The following NAA16 variants were observed in gnomAD, a reference collection of about 807,000 sequenced individuals.
NAA16 encodes the protein N-alpha-acetyltransferase 16, NatA auxiliary subunit, also known as NARG1-like protein.
Under a neutral mutation model 110.3 loss-of-function variants are expected in NAA16, and 97 were observed. The observed-to-expected ratio is 0.88, with a 90% CI of 0.75 to 1.04. The LOEUF is 1.04. NAA16 is among the 50% of genes least tolerant of loss of function. The pLI is 0.00. For missense variants in NAA16, 1,017 were observed against 1,005.1 expected (o/e 1.01, Z -0.16); for synonymous variants, 372 against 330.6 (o/e 1.13, Z -1.36).
chr13:41,316,126 T>C (rs1357302584), intron 1 of NAA16, among the ~76,000 whole-genome samples: 1 of 151,954 alleles, frequency 6.6e-6, no homozygotes, highest in Admixed American at 6.6e-5. Context: ...TGAATTGTCA[T>C]TTTTTTCTGT....
chr13:41,315,892 C>G (rs1230843893), intron 1 of NAA16, among the ~76,000 whole-genome samples: 1 of 152,060 alleles, frequency 6.6e-6, no homozygotes, highest in Non-Finnish European at 1.5e-5. Context: ...ACCTCAGCCT[C>G]CCAAGCAGTT....
intron 19 of NAA16, among the ~76,000 whole-genome samples, 198 bp downstream of exon 19, chr13:41,375,037 A>G (rs1272384619): frequency 6.6e-6 from 1 of 152,238 alleles, no homozygotes; most frequent in African/African-American, 2.4e-5. Context: ...GGGTGAAAAT[A>G]CTAGTGCTGT....
chr13:41,333,102 C>T (rs2042283584), intron 8 of NAA16, among the ~76,000 whole-genome samples: 1 of 152,048 alleles, frequency 6.6e-6, no homozygotes, highest in Non-Finnish European at 1.5e-5. Context: ...TATCAGGTTT[C>T]TATAGGACTT....
chr13:41,321,582 T>C (rs1317182174), intron 4 of NAA16, among the ~76,000 whole-genome samples: 1 of 152,256 alleles, frequency 6.6e-6, no homozygotes, highest in Non-Finnish European at 1.5e-5. Flanking sequence ...AATGGAAACC[T>C]AAACATAAAA....
intron 9 of NAA16, among the ~76,000 whole-genome samples, chr13:41,353,642 C>G (rs982400297): frequency 3.3e-5 from 5 of 151,666 alleles, no homozygotes; most frequent in Non-Finnish European, 5.9e-5. Context: ...TAATACATGC[C>G]TGTAGTCTTA....
At position 41,375,539 on chromosome 13, in the gene NAA16, C is replaced by T. The variant is rs767929877; in HGVS notation, c.2532C>T (p.Val844=). Residue 844 remains valine, a synonymous_variant, in exon 20 of 20, where the codon GTC becomes GTT. Coordinates refer to ENST00000379406, the MANE Select transcript of NAA16 (RefSeq NM_024561.5). ...TSAFLPAVNE[V]DNPNVALNHT... Reference sequence around the variant, plus strand: ...CCTTCTTGCCTGCTGTGAATGAAGTCGACAATCCTAATGTGGCACTGAACC... The same window carrying T: ...CCTTCTTGCCTGCTGTGAATGAAGTTGACAATCCTAATGTGGCACTGAACC... 27 of 1,613,946 alleles carry T rather than the reference C, an allele frequency of 1.7e-5. No individual in the cohort carries two copies. The highest frequency in any genetic ancestry group is 2.2e-5 in the East Asian group (1 of 44,868).
intron 16 of NAA16, 121 bp from the exon 17 acceptor site, chr13:41,372,611 T>C: frequency 2.2e-6 from 3 of 1,333,636 alleles, no homozygotes; most frequent in Non-Finnish European, 2.9e-6. Context: ...ACTTTAATTT[T>C]GCTTACGAGT....
Position 41,362,075 on chromosome 13 carries a change from G to A in NAA16, c.1455G>A (p.Met485Ile), listed in dbSNP as rs201189332. The stretch of plus-strand genomic sequence containing the variant: ...AAAATCTAAATGAAATGCAGTGTAT[G>A]TGGTTTCAGACAGAATGCATTTCAG... ...AMENLNEMQC[M>I]WFQTECISAY... Residue 485 changes from methionine to isoleucine, a missense_variant, in exon 13 of 20, where the codon ATG becomes ATA. By Grantham distance (10) the Met-to-Ile change is conservative (BLOSUM62 1). Transcript: ENST00000379406. 3.0e-5 allele frequency: 48 copies of A among 1,611,120 alleles called. No homozygotes were observed. The African/African-American group carries it at 4.1e-4, about 14-fold the overall frequency.
At chr13:41,345,930 A>C (rs565839614) in intron 9 of NAA16, among the ~76,000 whole-genome samples, 26 of 152,346 alleles carry the variant, frequency 1.7e-4, no homozygotes, top group African/African-American at 6.0e-4. Context: ...ATTATGTGAA[A>C]ATATTTTCTG....
intron 2 of NAA16, among the ~76,000 whole-genome samples, chr13:41,318,492 G>T (rs1357215485): frequency 1.3e-5 from 2 of 152,146 alleles, no homozygotes. Flanking sequence ...GTGAGCCATT[G>T]CACCTGGCCT....
Position 41,358,357 on chromosome 13 carries a change from G to A in NAA16, c.1141G>A (p.Ala381Thr). The A allele has an allele frequency of 6.2e-7, 1 of 1,613,884 alleles. No individual in the cohort carries two copies. Among genetic ancestry groups the A allele is most frequent in the Non-Finnish European group, 8.5e-7 (1 of 1,179,878 alleles). ...TTLLWVQYFL[A>T]QHFDKLGQYS... is the part of the protein sequence containing the mutation. ...ACTACTCTGGGTTCAGTATTTCCTGGCACAGCACTTTGATAAACTTGGACA... is the reference window on the plus strand; with the variant it reads ...ACTACTCTGGGTTCAGTATTTCCTGACACAGCACTTTGATAAACTTGGACA... The change falls in exon 11 of 20, where the codon GCA becomes ACA. Residue 381 changes from alanine to threonine, a missense_variant. Ala to Thr is a moderately conservative substitution (Grantham distance 58). Transcript: ENST00000379406.
At chr13:41,334,906 AC>A (rs66921344) in intron 8 of NAA16, among the ~76,000 whole-genome samples, 144,113 of 152,152 alleles carry the variant, frequency 0.95, 68,315 homozygotes, top group South Asian at 0.99. Context: ...GTTTAAGGTC[AC>A]CCCCCCCACT....
intron 9 of NAA16, among the ~76,000 whole-genome samples, chr13:41,349,336 C>CCA (rs1311499514): frequency 6.6e-6 from 1 of 151,960 alleles, no homozygotes; most frequent in Non-Finnish European, 1.5e-5. Flanking sequence ...CAGGCATGTA[C>CCA]CACCATGCCT....
chr13:41,375,232 T>A (rs538833858), intron 19 of NAA16, among the ~76,000 whole-genome samples, 173 bp from the exon 20 acceptor site: 89 of 152,336 alleles, frequency 5.8e-4, no homozygotes, highest in Non-Finnish European at 1.1e-3. Flanking sequence ...TTTTCGGGGT[T>A]GAATTTTTAA....
chr13:41,355,978 GTTCCTTATGTGTCTC>G (rs577301360), intron 10 of NAA16, among the ~76,000 whole-genome samples: 193 of 152,256 alleles, frequency 1.3e-3, no homozygotes, highest in African/African-American at 4.3e-3. Context: ...TAACTTCCGG[GTTCCTTATGTGTCTC>G]TTACATGTCA....
intron 1 of NAA16, among the ~76,000 whole-genome samples, chr13:41,313,457 A>G (rs184411641): frequency 6.6e-5 from 10 of 152,360 alleles, no homozygotes; most frequent in Admixed American, 2.6e-4. Context: ...TCATTTCACA[A>G]TTGCAATAAA....
chr13:41,358,921 A>C lies in NAA16; in HGVS notation c.1369A>C (p.Met457Leu), dbSNP rs1196225535. ...KCAKYMLRAN[M>L]IKEAEEMCSK... ...TGCAAAATACATGCTTCGAGCAAAT[A>C]TGATAAAAGAAGCAGAGGAAATGTG... Residue 457 changes from methionine to leucine, a missense_variant, in exon 12 of 20, where the codon ATG becomes CTG. Coordinates refer to ENST00000379406, the MANE Select transcript of NAA16 (RefSeq NM_024561.5). 6.2e-7 allele frequency: 1 copy of C among 1,611,138 alleles called. No homozygotes were observed. Among genetic ancestry groups the C allele is most frequent in the Non-Finnish European group, 8.5e-7 (1 of 1,178,004 alleles).
chr13:41,324,006 G>A (rs1002955351), intron 5 of NAA16, among the ~76,000 whole-genome samples: 31 of 152,220 alleles, frequency 2.0e-4, no homozygotes, highest in Middle Eastern at 3.4e-3. Context: ...CTAGACTTGA[G>A]CTTCTTCCAT....
In NAA16 at chr13:41,367,598, A is replaced by G. The variant is rs745548006; in HGVS notation, c.1699A>G (p.Lys567Glu). The G allele has an allele frequency of 3.7e-6, 6 of 1,613,242 alleles. No homozygotes were observed. The highest frequency in any genetic ancestry group is 5.1e-6 in the Non-Finnish European group (6 of 1,179,644). ...AARSAIEIYL[K>E]LYDNPLTNES... ...TAGATCAGCGATTGAAATATACTTG[A>G]AATTGTATGATAATCCCTTAACCAA... Residue 567 changes from lysine (K) to glutamate (E), a missense_variant, in exon 14 of 20, where the codon AAA becomes GAA. By Grantham distance (56) the Lys-to-Glu change is moderately conservative. Transcript: ENST00000379406.
Sources: allele counts gnomAD v4.1 joint callset (sites outside exome capture counted in the v4.1 genomes callset), GRCh38; gene constraint gnomAD v4.1.1; transcripts MANE v1.5; gene names NCBI Gene and HGNC (gene_info 2026-07-23, HGNC 2026-07-21).